Variants in BMP1 observed in about 807,000 individuals in gnomAD.
BMP1 encodes bone morphogenetic protein 1, also known as mammalian tolloid protein.
BMP1 carries 63 observed loss-of-function variants against 116.8 expected under a neutral mutation model. The observed-to-expected ratio is 0.54, with a 90% confidence interval of 0.44 to 0.67. The LOEUF (loss-of-function observed/expected upper bound fraction) is 0.67, where lower values mean the gene tolerates loss of function less well. Among genes scored for constraint, BMP1 ranks in the 30% least tolerant of loss-of-function variants. The probability of loss-of-function intolerance (pLI) is 0.00; values close to 1 mark genes in which losing one functional copy is unlikely to be tolerated. For synonymous variants in BMP1, 536 were observed against 533.4 expected, an observed-to-expected ratio of 1.00 and a Z score of -0.07; for missense variants, 1,183 against 1,358.9, an observed-to-expected ratio of 0.87 and a Z score of 2.04.
At chr8:22,181,424 G>A (rs1253821844) in intron 8 of BMP1, among the ~76,000 whole-genome samples, 1 of 152,182 alleles carries the variant, frequency 6.6e-6, no homozygotes, top group Non-Finnish European at 1.5e-5. Context: ...GACACCGAGT[G>A]TGGGGAGGGC....
chr8:22,170,935 A>AG (rs1828258811), intron 1 of BMP1: 2 of 152,314 alleles, frequency 1.3e-5, no homozygotes, highest in East Asian at 3.9e-4. Context: ...CAAAAAAAAA[A>AG]AGAAAGAAAG....
In BMP1 at chr8:22,175,227, C is replaced by T. The variant is rs534551434; in HGVS notation, c.263-916C>T. Among the ~76,000 whole-genome samples the T allele has an allele frequency of 8.5e-5, 13 of 152,278 alleles. 1 individual carries two copies. In the East Asian group the frequency reaches 2.3e-3, roughly 27 times the overall value. On this transcript the variant is annotated intron_variant, in intron 2 of 19. Transcript: ENST00000306385. Reference sequence around the variant, plus strand: ...GTTTCCTCATCTGTCAAATACAATACGACACTTGTCCACATGCCTTAGAGC... The same window carrying T: ...GTTTCCTCATCTGTCAAATACAATATGACACTTGTCCACATGCCTTAGAGC...
In BMP1 at chr8:22,212,228, G is replaced by A; in HGVS notation, c.*500G>A. 1 of 162,674 alleles carries A rather than the reference G, an allele frequency of 6.1e-6. No homozygotes were observed. The highest frequency in any genetic ancestry group is 1.7e-4 in the East Asian group (1 of 6,012). The allele number at this position is 162,674 out of a possible 1,614,324, so 10.1% of individuals were successfully genotyped here. On this transcript the variant is annotated 3_prime_UTR_variant, in exon 20 of 20. Transcript: ENST00000306385. ...AGGAGCCACCGTGGGGAGCCGATGG[G>A]GAGGGGATGGAGAAACAAGACAGGG...
At chr8:22,187,180 G>A (rs1189520522) in intron 8 of BMP1, among the ~76,000 whole-genome samples, 1 of 151,282 alleles carries the variant, frequency 6.6e-6, no homozygotes, top group African/African-American at 2.4e-5. Context: ...TAATAAAGAT[G>A]GGGTTTTGCC....
intron 18 of BMP1, 127 bp from the exon 19 acceptor site, chr8:22,209,318 C>A (rs1336747068): frequency 6.8e-7 from 1 of 1,462,820 alleles, no homozygotes; most frequent in East Asian, 2.3e-5. Flanking sequence ...CCCCACCCAC[C>A]CATCACTGGC....
chr8:22,188,509 G>T (rs1358619795), intron 8 of BMP1, among the ~76,000 whole-genome samples: 7 of 152,196 alleles, frequency 4.6e-5, no homozygotes, highest in Non-Finnish European at 8.8e-5. Flanking sequence ...CCTTAAGGAA[G>T]CCGAGCCACA....
At chr8:22,198,988 A>G (rs902356967) in intron 15 of BMP1, 8 of 1,296,724 alleles carry the variant, frequency 6.2e-6, no homozygotes, top group Non-Finnish European at 8.1e-6. Context: ...TTACCTGCTT[A>G]CTCTCGTCTC....
intron 13 of BMP1, among the ~76,000 whole-genome samples, 155 bp downstream of exon 13, chr8:22,195,742 G>T (rs575101894): frequency 5.3e-5 from 8 of 152,106 alleles, no homozygotes; most frequent in African/African-American, 1.9e-4. Flanking sequence ...CCATTCCTGG[G>T]CTCAAGCAAT....
chr8:22,182,167 A>G (rs183974102), intron 8 of BMP1, among the ~76,000 whole-genome samples: 204 of 152,290 alleles, frequency 1.3e-3, no homozygotes, highest in African/African-American at 4.6e-3. Flanking sequence ...ATTCAATTCT[A>G]TTATTGATTG....
At chr8:22,209,963 A>G (rs993175786) in intron 19 of BMP1, among the ~76,000 whole-genome samples, 1 of 152,260 alleles carries the variant, frequency 6.6e-6, no homozygotes, top group African/African-American at 2.4e-5. Context: ...CCTCAGAACC[A>G]GTTGGCCACG....
At chr8:22,199,190 C>T (rs756540699) in intron 15 of BMP1, 3 of 1,367,678 alleles carry the variant, frequency 2.2e-6, no homozygotes, top group Non-Finnish European at 2.9e-6. Flanking sequence ...GCACAAGAAA[C>T]CTGCAGAGGA....
At chr8:22,211,054 C>T (rs570084403) in intron 19 of BMP1, among the ~76,000 whole-genome samples, 94 of 152,252 alleles carry the variant, frequency 6.2e-4, no homozygotes, top group South Asian at 1.2e-3. Context: ...AGAGGAGAGG[C>T]GGGGCAAGGG....
rs148953483 is a variant in BMP1 at position 22,197,357 on chromosome 8, C to T, written c.2044C>T (p.Arg682Cys). Residue 682 changes from arginine to cysteine, a missense_variant, in exon 15 of 20, where the codon CGC (arginine) becomes TGC (cysteine). This residue lies in a region of BMP1 where 956 missense variants were observed against 1,135.2 expected (regional missense o/e 0.84). Coordinates refer to ENST00000306385, the MANE Select transcript of BMP1 (RefSeq NM_006129.5). Reference sequence around the variant, plus strand: ...CATCACCTCCCAGTACAACAACATGCGCGTGGAGTTCAAGTCCGACAACAC... The same window carrying T: ...CATCACCTCCCAGTACAACAACATGTGCGTGGAGTTCAAGTCCGACAACAC... ...EVITSQYNNM[R>C]VEFKSDNTVS... The T allele has an allele frequency of 8.7e-6, 14 of 1,613,838 alleles. No individual in the cohort carries two copies. Among genetic ancestry groups the T allele is most frequent in the East Asian group, 4.5e-5 (2 of 44,890 alleles).
chr8:22,197,733 G>A (rs1401923508), intron 15 of BMP1, among the ~76,000 whole-genome samples: 1 of 152,224 alleles, frequency 6.6e-6, no homozygotes, highest in African/African-American at 2.4e-5. Flanking sequence ...CCAAGGCCTG[G>A]GAGAGGGCAG....
At chr8:22,173,554 G>C (rs1828341664) in intron 1 of BMP1, 48 bp from the exon 2 acceptor site, 1 of 1,476,550 alleles carries the variant, frequency 6.8e-7, no homozygotes, top group Non-Finnish European at 9.3e-7. Flanking sequence ...TGCACCTAGG[G>C]CTGGGTAGGA....
intron 1 of BMP1, among the ~76,000 whole-genome samples, chr8:22,168,091 G>T (rs1009805314): frequency 3.3e-5 from 5 of 152,122 alleles, no homozygotes; most frequent in African/African-American, 1.2e-4. Context: ...ACGCCCCTTC[G>T]TTGGACCATT....
intron 8 of BMP1, 90 bp from the exon 9 acceptor site, chr8:22,191,959 C>T (rs1828943638): frequency 4.1e-6 from 5 of 1,221,378 alleles, no homozygotes; most frequent in Admixed American, 1.8e-5. Context: ...ACCTGCCTCG[C>T]GTAAGGCGGG....
intron 8 of BMP1, among the ~76,000 whole-genome samples, chr8:22,189,649 A>G (rs1453667968): frequency 6.6e-6 from 1 of 151,826 alleles, no homozygotes; most frequent in Admixed American, 6.6e-5. Context: ...TAATTTTTCT[A>G]GAGATGGGGG....
chr8:22,211,507 G>T (rs533435536), intron 19 of BMP1, 87 bp from the exon 20 acceptor site: 462 of 1,576,282 alleles, frequency 2.9e-4, no homozygotes, highest in Non-Finnish European at 3.8e-4. Flanking sequence ...GGAGCCTCCT[G>T]CCCTTCAAAG....
Sources: gnomAD v4.1 joint callset for allele counts (sites outside exome capture counted in the v4.1 genomes callset) on GRCh38, gnomAD v4.1.1 for gene constraint, gnomAD v4.1.1 regional missense constraint, MANE v1.5 for transcripts, NCBI Gene and HGNC (gene_info 2026-07-23, HGNC 2026-07-21) for gene names.